MCUB: variants seen among roughly 807,000 people sequenced by gnomAD.
MCUB encodes the protein calcium uniporter regulatory subunit MCUb, mitochondrial.
MCUB carries 46 observed loss-of-function variants against 41.4 expected under a neutral mutation model. The ratio of observed to expected loss-of-function variants is 1.11; its 90% confidence interval spans 0.88 to 1.42. MCUB has a LOEUF of 1.42. Among genes scored for constraint, MCUB ranks in the 40% most tolerant of loss-of-function variants. The probability of loss-of-function intolerance (pLI) is 0.00; values close to 1 mark genes in which losing one functional copy is unlikely to be tolerated. For missense variants in MCUB, 403 were observed against 404.9 expected, an observed-to-expected ratio of 1.00 and a Z score of 0.04; for synonymous variants, 148 against 148.2, an observed-to-expected ratio of 1.00 and a Z score of 0.01.
At chr4:109,632,560 G>A (rs1417547027) in intron 1 of MCUB, among the ~76,000 whole-genome samples, 1 of 151,228 alleles carries the variant, frequency 6.6e-6, no homozygotes, top group African/African-American at 2.4e-5. Flanking sequence ...TGGTTAAAGT[G>A]GTGATGATTT....
intron 3 of MCUB, among the ~76,000 whole-genome samples, chr4:109,662,377 A>G (rs567478096): frequency 3.3e-5 from 5 of 152,352 alleles, no homozygotes; most frequent in African/African-American, 1.2e-4. Context: ...AAGGGCCTGC[A>G]CTGAGCAGCA....
intron 2 of MCUB, 43 bp from the exon 3 acceptor site, chr4:109,660,152 A>T: frequency 3.1e-6 from 3 of 975,794 alleles, no homozygotes; most frequent in South Asian, 1.7e-5. Context: ...GGTTTTTTTT[A>T]AAGTAAAATT....
chr4:109,641,110 G>GT (rs1468407391), intron 1 of MCUB, among the ~76,000 whole-genome samples: 6 of 150,512 alleles, frequency 4.0e-5, no homozygotes, highest in East Asian at 1.9e-4. Flanking sequence ...CACATACAGT[G>GT]TTTTTTTTGT....
At chr4:109,655,582 G>T (rs1486208189) in intron 1 of MCUB, among the ~76,000 whole-genome samples, 2 of 152,082 alleles carry the variant, frequency 1.3e-5, no homozygotes, top group African/African-American at 4.8e-5. Flanking sequence ...GAGCTCTGTG[G>T]TCAGGAACAA....
rs139946902 is a variant in MCUB at position 109,667,714 on chromosome 4, C to T, written c.451+3320C>T. On this transcript the variant is annotated intron_variant, in intron 4 of 7. Coordinates refer to ENST00000394650, the MANE Select transcript of MCUB (RefSeq NM_017918.5). Reference sequence around the variant, plus strand: ...CTGCTTGCTTTTCATTTCATTTGCTCCTCTTTCTCTAGTTTCTTAAAGTAT... The same window carrying T: ...CTGCTTGCTTTTCATTTCATTTGCTTCTCTTTCTCTAGTTTCTTAAAGTAT... Among the ~76,000 whole-genome samples the T allele has an allele frequency of 3.7e-3, 556 of 149,884 alleles. 16 individuals are homozygous for T. The South Asian group carries it at 0.06, about 16-fold the overall frequency.
At chr4:109,677,525 TC>T (rs778991750) in intron 4 of MCUB, among the ~76,000 whole-genome samples, 31 of 152,262 alleles carry the variant, frequency 2.0e-4, no homozygotes, top group Middle Eastern at 3.4e-3. Context: ...AGAAACTTGA[TC>T]CCTAATGCAA....
At chr4:109,597,421 C>A (rs1291881208) in intron 1 of MCUB, among the ~76,000 whole-genome samples, 4 of 142,188 alleles carry the variant, frequency 2.8e-5, no homozygotes, top group Non-Finnish European at 4.7e-5. Context: ...CTGACCCCCC[C>A]ACCTCCCTCC....
chr4:109,658,885 A>G (rs1729163894), intron 1 of MCUB, 126 bp from the exon 2 acceptor site: 2 of 672,714 alleles, frequency 3.0e-6, no homozygotes, highest in African/African-American at 1.8e-5. Flanking sequence ...GGGATGCATG[A>G]CAAGTTGAGT....
intron 1 of MCUB, among the ~76,000 whole-genome samples, chr4:109,617,996 A>C (rs1036812606): frequency 9.9e-5 from 15 of 152,164 alleles, no homozygotes; most frequent in Non-Finnish European, 1.9e-4. Context: ...TGGTCCTTGC[A>C]TGCATCCATT....
intron 4 of MCUB, among the ~76,000 whole-genome samples, chr4:109,675,029 G>A (rs1343157030): frequency 6.6e-6 from 1 of 152,084 alleles, no homozygotes. Flanking sequence ...TGTCTCATCT[G>A]AATTTAATTC....
intron 1 of MCUB, among the ~76,000 whole-genome samples, chr4:109,571,589 A>G (rs780787401): frequency 6.6e-6 from 1 of 152,246 alleles, no homozygotes; most frequent in Non-Finnish European, 1.5e-5. Context: ...CAGGGATTAC[A>G]GGCATGAGCC....
At chr4:109,660,168 A>ATTTTT in intron 2 of MCUB, 27 bp from the exon 3 acceptor site, 1 of 1,126,340 alleles carries the variant, frequency 8.9e-7, no homozygotes, top group African/African-American at 1.6e-5. Context: ...AAATTTACTC[A>ATTTTT]TTTTTTTTTC....
At chr4:109,622,314 C>A (rs1025620021) in intron 1 of MCUB, among the ~76,000 whole-genome samples, 1 of 152,214 alleles carries the variant, frequency 6.6e-6, no homozygotes, top group Non-Finnish European at 1.5e-5. Context: ...TCTCTCACTT[C>A]ACACATCCTG....
intron 1 of MCUB, among the ~76,000 whole-genome samples, chr4:109,614,971 A>G (rs1027533954): frequency 1.3e-5 from 2 of 152,184 alleles, no homozygotes; most frequent in African/African-American, 4.8e-5. Flanking sequence ...ACCAGTTTAT[A>G]CTGTTTAACC....
intron 1 of MCUB, among the ~76,000 whole-genome samples, chr4:109,599,575 A>G (rs941127960): frequency 6.6e-6 from 1 of 152,280 alleles, no homozygotes; most frequent in African/African-American, 2.4e-5. Context: ...AGGATTCAGA[A>G]TCTTGGTTTT....
chr4:109,640,853 T>C (rs1427297537), intron 1 of MCUB, among the ~76,000 whole-genome samples: 2 of 152,234 alleles, frequency 1.3e-5, no homozygotes, highest in African/African-American at 2.4e-5. Flanking sequence ...TTGCATTCAC[T>C]ACCTGGTTAA....
At position 109,677,860 on chromosome 4, in the gene MCUB, C is replaced by T. The variant is rs1448657768; in HGVS notation, c.452-4722C>T. On this transcript the variant is annotated intron_variant, in intron 4 of 7. Transcript: ENST00000394650. The stretch of plus-strand genomic sequence containing the variant: ...TTATTGATCATTCTTGGGTGTTTCT[C>T]GGAGAGGGGGATGTGGCAGGGTCAT... Among the ~76,000 whole-genome samples the T allele has an allele frequency of 2.0e-3, 213 of 104,272 alleles. 1 individual carries two copies. The highest frequency in any genetic ancestry group is 6.8e-3 in the Middle Eastern group (1 of 146). The allele number at this position is 104,272 out of a possible 152,430, so 68.4% of individuals were successfully genotyped here. A position where few individuals can be genotyped will look rare whatever the true frequency, so the allele number is the denominator to read the frequency against.
intron 1 of MCUB, among the ~76,000 whole-genome samples, chr4:109,601,605 T>G (rs197213): frequency 6.6e-6 from 1 of 152,096 alleles, no homozygotes; most frequent in South Asian, 2.1e-4. Context: ...TGTTCTGCTG[T>G]GTATATATAC....
chr4:109,623,563 A>G (rs1297391779), intron 1 of MCUB, among the ~76,000 whole-genome samples: 1 of 152,224 alleles, frequency 6.6e-6, no homozygotes, highest in Non-Finnish European at 1.5e-5. Context: ...TTATGTAAAT[A>G]AAATAGGGTT....
Sources: allele counts gnomAD v4.1 joint callset (sites outside exome capture counted in the v4.1 genomes callset), GRCh38; gene constraint gnomAD v4.1.1; transcripts MANE v1.5; gene names NCBI Gene and HGNC (gene_info 2026-07-23, HGNC 2026-07-21).